Variants in TSHR observed in about 807,000 individuals in gnomAD.
TSHR encodes the protein thyroid stimulating hormone receptor.
TSHR carries 51 observed loss-of-function variants against 64.1 expected under a neutral mutation model. The ratio of observed to expected loss-of-function variants is 0.80; its 90% CI spans 0.64 to 1.01. The LOEUF (loss-of-function observed/expected upper bound fraction) is 1.01, where lower values mean the gene tolerates loss of function less well. Ranked by LOEUF, TSHR falls within the 50% of genes least tolerant of loss-of-function variation. TSHR has a pLI of 0.00. For synonymous variants in TSHR, 361 were observed against 361.9 expected, an observed-to-expected ratio of 1.00 and a Z score of 0.03; for missense variants, 877 against 942.8, an observed-to-expected ratio of 0.93 and a Z score of 0.91.
intron 1 of TSHR, among the ~76,000 whole-genome samples, chr14:80,984,772 T>C (rs1041275904): frequency 2.0e-5 from 3 of 152,204 alleles, no homozygotes; most frequent in African/African-American, 7.2e-5. Flanking sequence ...ATGGATTTTA[T>C]CTGGCAGTGT....
At chr14:81,074,413 T>A (rs1339071003) in intron 3 of TSHR, among the ~76,000 whole-genome samples, 4 of 152,200 alleles carry the variant, frequency 2.6e-5, no homozygotes, top group African/African-American at 9.6e-5. Context: ...CAAAGCATTA[T>A]AACTTGCATG....
rs900380058 is a variant in TSHR at position 81,114,377 on chromosome 14, C to A, written c.692+5925C>A. Among the ~76,000 whole-genome samples the A allele has an allele frequency of 1.3e-5, 2 of 152,196 alleles. 1 individual carries two copies. The highest frequency in any genetic ancestry group is 2.9e-5 in the Non-Finnish European group (2 of 68,040). On this transcript the variant is annotated intron_variant, in intron 8 of 9. Transcript: ENST00000298171. ...CATTGCCTCACTCCAGAAGCGCAAG[C>A]GGTCAGGGAGTTCCCTTTCCTAGTC...
chr14:80,972,057 G>A (rs553495026), intron 1 of TSHR, among the ~76,000 whole-genome samples: 1 of 152,228 alleles, frequency 6.6e-6, no homozygotes, highest in East Asian at 1.9e-4. Flanking sequence ...TAACACAAAT[G>A]TTTAGATTTA....
At chr14:81,037,474 CAA>C (rs1045504740) in intron 1 of TSHR, among the ~76,000 whole-genome samples, 11 of 140,614 alleles carry the variant, frequency 7.8e-5, no homozygotes, top group Non-Finnish European at 6.3e-5. Flanking sequence ...AACAAAATGT[CAA>C]GAGTAAGTTC....
intron 1 of TSHR, among the ~76,000 whole-genome samples, chr14:81,040,729 C>T (rs557799174): frequency 6.6e-6 from 1 of 152,196 alleles, no homozygotes; most frequent in African/African-American, 2.4e-5. Flanking sequence ...AAACAGACAA[C>T]CTACAGAATG....
chr14:80,996,942 G>A lies in TSHR; in HGVS notation c.170+41092G>A, dbSNP rs78222813. 7.8e-3 allele frequency among the ~76,000 whole-genome samples: 1,183 copies of A among 152,164 alleles called. 21 individuals are homozygous for A. The highest frequency in any genetic ancestry group is 0.027 in the African/African-American group (1,109 of 41,522). ...ATATGAAATCATTAAGCTACTGAAT[G>A]TCAGTTTCTTCAACAGTAAAGAAGA... On this transcript the variant is annotated intron_variant, in intron 1 of 9. Coordinates refer to ENST00000298171, the MANE Select transcript of TSHR (RefSeq NM_000369.5).
chr14:81,086,018 T>C (rs1044968468), intron 3 of TSHR, among the ~76,000 whole-genome samples: 1 of 152,158 alleles, frequency 6.6e-6, no homozygotes, highest in East Asian at 1.9e-4. Context: ...AAATGAAAGA[T>C]TGTATAAAGA....
At chr14:81,141,909 G>C (rs1880478808) in intron 9 of TSHR, among the ~76,000 whole-genome samples, 1 of 152,136 alleles carries the variant, frequency 6.6e-6, no homozygotes, top group Non-Finnish European at 1.5e-5. Context: ...CAAAGCTGCA[G>C]GTGCTATTGT....
intron 1 of TSHR, chr14:81,012,238 A>G (rs1364293479): frequency 3.3e-5 from 5 of 151,242 alleles, no homozygotes; most frequent in African/African-American, 9.7e-5. Context: ...ATGATTTCCA[A>G]TTTCATCCAT....
intron 3 of TSHR, among the ~76,000 whole-genome samples, chr14:81,073,990 T>C (rs1004568335): frequency 1.3e-5 from 2 of 152,174 alleles, no homozygotes; most frequent in Non-Finnish European, 2.9e-5. Context: ...ATAAACCCCA[T>C]TGATCTTAAA....
Position 81,144,383 on chromosome 14 carries a change from G to A in TSHR, c.*30G>A, listed in dbSNP as rs936265738. ...ACACTACACTACTCACAATGGTAGG[G>A]GAACTTACAAAATAATAGTTTCTTG... On this transcript the variant is annotated 3_prime_UTR_variant, in exon 10 of 10. Transcript: ENST00000298171. 2 of 1,607,036 alleles carry A rather than the reference G, an allele frequency of 1.2e-6. No individual in the cohort carries two copies. The highest frequency in any genetic ancestry group is 1.3e-5 in the African/African-American group (1 of 74,726).
intron 8 of TSHR, among the ~76,000 whole-genome samples, chr14:81,138,614 G>T (rs1466585958): frequency 6.6e-6 from 1 of 152,126 alleles, no homozygotes; most frequent in Non-Finnish European, 1.5e-5. Flanking sequence ...CAGTCCTGTG[G>T]TGAGAATGGG....
intron 1 of TSHR, chr14:80,982,108 G>A: frequency 1.8e-6 from 1 of 555,246 alleles, no homozygotes; most frequent in East Asian, 3.9e-5. Flanking sequence ...GCCAATACCT[G>A]GGCCAAAGCA....
At chr14:80,983,222 T>C (rs1888261189) in intron 1 of TSHR, 1 of 1,257,948 alleles carries the variant, frequency 7.9e-7, no homozygotes, top group South Asian at 1.8e-5. Flanking sequence ...AGCATATGTG[T>C]AAAGACACCA....
Position 81,104,339 on chromosome 14 carries a change from A to G in TSHR, c.615-4036A>G, listed in dbSNP as rs1889760863. The G allele has an allele frequency of 4.1e-6, 4 of 985,430 alleles. No homozygotes were observed. The African/African-American group carries it at 7.0e-5, about 17-fold the overall frequency. The allele number at this position is 985,430 out of a possible 1,614,324, so 61.0% of individuals were successfully genotyped here. The stretch of plus-strand genomic sequence containing the variant: ...GAAGTGTTCCCATGAGAGTCTCACA[A>G]CATAATCAAGGCCCAGCCCAAGTTC... On this transcript the variant is annotated intron_variant, in intron 7 of 9. Transcript: ENST00000298171.
intron 5 of TSHR, among the ~76,000 whole-genome samples, chr14:81,091,720 A>C (rs1227423169): frequency 6.6e-6 from 1 of 152,210 alleles, no homozygotes; most frequent in African/African-American, 2.4e-5. Flanking sequence ...CTGCTTTTCC[A>C]TTTATGAATG....
At chr14:81,071,396 T>C (rs1887055712) in intron 3 of TSHR, among the ~76,000 whole-genome samples, 1 of 152,190 alleles carries the variant, frequency 6.6e-6, no homozygotes, top group Non-Finnish European at 1.5e-5. Flanking sequence ...AAGTCTAGAT[T>C]AGCTTCCATC....
intron 2 of TSHR, among the ~76,000 whole-genome samples, chr14:81,066,003 G>A (rs1886582440): frequency 6.6e-6 from 1 of 152,176 alleles, no homozygotes; most frequent in Non-Finnish European, 1.5e-5. Context: ...CGAAGAAGAA[G>A]TAGGATCTGA....
intron 8 of TSHR, among the ~76,000 whole-genome samples, chr14:81,126,939 A>G (rs1227338915): frequency 6.6e-6 from 1 of 152,250 alleles, no homozygotes; most frequent in Admixed American, 6.5e-5. Flanking sequence ...GCCCATTTCA[A>G]GTCTCAATTA....
Sources: gnomAD v4.1 joint callset for allele counts (sites outside exome capture counted in the v4.1 genomes callset) on GRCh38, gnomAD v4.1.1 for gene constraint, MANE v1.5 for transcripts, NCBI Gene and HGNC (gene_info 2026-07-23, HGNC 2026-07-21) for gene names.